The following HSP90AA1 variants were observed in gnomAD, a reference collection of about 807,000 sequenced individuals.
HSP90AA1 encodes heat shock protein HSP 90-alpha.
In HSP90AA1, 18 loss-of-function variants were observed where a neutral mutation model predicts 73.3. The ratio of observed to expected loss-of-function variants is 0.25; its 90% CI spans 0.17 to 0.36. The LOEUF (loss-of-function observed/expected upper bound fraction) is 0.36, where lower values mean the gene tolerates loss of function less well. HSP90AA1 is among the 10% of genes least tolerant of loss of function. The probability of loss-of-function intolerance (pLI) is 1.00; values close to 1 mark genes in which losing one functional copy is unlikely to be tolerated. For missense variants in HSP90AA1, 704 were observed against 874.2 expected (o/e 0.81, Z 2.45); for synonymous variants, 477 against 296.9 (o/e 1.61, Z -6.24).
chr14:102,085,434 G>C lies in HSP90AA1; in HGVS notation c.530-3C>G. 1 of 1,590,020 alleles carries C rather than the reference G, an allele frequency of 6.3e-7. No individual in the cohort carries two copies. Among genetic ancestry groups the C allele is most frequent in the Non-Finnish European group, 8.5e-7 (1 of 1,171,854 alleles). ...TGTTCCACGACCCATAGGTTCACCT[G>C]CAAGAGAAGAAAGAAAAATTGACTT... On this transcript the variant is annotated splice_polypyrimidine_tract_variant and splice_region_variant and intron_variant, in intron 3 of 10. Coordinates refer to ENST00000216281, the MANE Select transcript of HSP90AA1 (RefSeq NM_005348.4).
chr14:102,137,569 C>T (rs995050660), intron 1 of HSP90AA1, among the ~76,000 whole-genome samples: 16 of 152,022 alleles, frequency 1.1e-4, no homozygotes, highest in Admixed American at 7.9e-4. Context: ...GTGATCTGCC[C>T]GCCTCGGCCT....
In HSP90AA1 at chr14:102,084,001, C is replaced by A; in HGVS notation, c.1148-18G>T. 2.5e-6 allele frequency: 4 copies of A among 1,584,626 alleles called. No homozygotes were observed. Among genetic ancestry groups the A allele is most frequent in the Non-Finnish European group, 3.5e-6 (4 of 1,153,482 alleles). ...AATGAAGTCTGAAAAAAATATAAAC[C>A]AAATGCACTGAGTCATTCCAAGGAC... On this transcript the variant is annotated intron_variant, in intron 6 of 10. Transcript: ENST00000216281.
At chr14:102,106,341 G>T (rs1020500836) in intron 1 of HSP90AA1, among the ~76,000 whole-genome samples, 1 of 151,956 alleles carries the variant, frequency 6.6e-6, no homozygotes. Flanking sequence ...AAAGTATTTT[G>T]TTAGCTTTTG....
intron 1 of HSP90AA1, among the ~76,000 whole-genome samples, chr14:102,136,332 G>A (rs2049993337): frequency 6.6e-6 from 1 of 151,222 alleles, no homozygotes; most frequent in Non-Finnish European, 1.5e-5. Context: ...ATTTTGGGAG[G>A]GCAAGGTGGG....
Position 102,086,970 on chromosome 14 carries a change from C to T in HSP90AA1, c.-1+16G>A, listed in dbSNP as rs1216128552. 1 of 985,166 alleles carries T rather than the reference C, an allele frequency of 1.0e-6. No individual in the cohort carries two copies. The highest frequency in any genetic ancestry group is 1.7e-5 in the African/African-American group (1 of 57,290). 61.0% of individuals were successfully genotyped at this position (985,166 alleles called of 1,614,324 possible). On this transcript the variant is annotated intron_variant, in intron 1 of 10. Transcript: ENST00000216281. The stretch of plus-strand genomic sequence containing the variant: ...TCCCCAGTCCACCTCCACAGGCCCC[C>T]ACAACCACCCGTCACCTTGGCTAAG...
At chr14:102,087,947 T>TTTC (rs2049288450), upstream of HSP90AA1, among the ~76,000 whole-genome samples, 11 of 124,018 alleles carry the variant, frequency 8.9e-5, no homozygotes, top group African/African-American at 3.3e-4. Flanking sequence ...TTTTTTTTTT[T>TTTC]TTTCTTTTTT....
chr14:102,130,046 C>T (rs1041249056), intron 1 of HSP90AA1, among the ~76,000 whole-genome samples: 1 of 151,568 alleles, frequency 6.6e-6, no homozygotes, highest in Non-Finnish European at 1.5e-5. Flanking sequence ...TCTCGGCTCA[C>T]TGCAACCTCC....
chr14:102,128,757 T>C (rs563327571), intron 1 of HSP90AA1, among the ~76,000 whole-genome samples: 1 of 152,018 alleles, frequency 6.6e-6, no homozygotes, highest in South Asian at 2.1e-4. Context: ...GCTGAGATCA[T>C]GCCACTGCAT....
chr14:102,120,142 T>C (rs956099027), intron 1 of HSP90AA1, among the ~76,000 whole-genome samples: 2 of 152,086 alleles, frequency 1.3e-5, no homozygotes, highest in Non-Finnish European at 2.9e-5. Context: ...AGCAGGAGGG[T>C]TGCTTGAACC....
At position 102,084,925 on chromosome 14, in the gene HSP90AA1, T is replaced by C. The variant is rs55783428; in HGVS notation, c.737A>G (p.Glu246Gly). The change falls in exon 5 of 11, where the codon GAA becomes GGA. Residue 246 changes from glutamate to glycine, a missense_variant. Physicochemically the swap from Glu to Gly is moderately conservative, Grantham distance 98. Transcript: ENST00000216281. ...GTCTTCCGACTCTTTCTCTTCTTTT[T>C]CTTTTTCTTCTTCTTTGTCTTCCTT... is the stretch of plus-strand genomic sequence containing the variant. The part of the protein sequence containing the change: ...EEKEDKEEEK[E>G]KEEKESEDKP... The C allele has an allele frequency of 2.5e-4, 402 of 1,592,750 alleles. 1 individual carries two copies. In the East Asian group the frequency reaches 7.4e-3, roughly 29 times the overall value.
At chr14:102,084,182 T>TCA (rs908086893) in intron 6 of HSP90AA1, 199 bp from the exon 7 acceptor site, 17 of 680,420 alleles carry the variant, frequency 2.5e-5, no homozygotes, top group African/African-American at 1.8e-4. Flanking sequence ...CAAGCTGTTT[T>TCA]CATGCCTCAG....
chr14:102,091,182 G>A (rs1282759713), upstream of HSP90AA1, among the ~76,000 whole-genome samples: 1 of 152,120 alleles, frequency 6.6e-6, no homozygotes, highest in Non-Finnish European at 1.5e-5. Flanking sequence ...TAGTCCTCTC[G>A]ACTCTGAAGT....
chr14:102,091,776 G>A (rs1421921387), upstream of HSP90AA1, among the ~76,000 whole-genome samples: 2 of 152,082 alleles, frequency 1.3e-5, no homozygotes, highest in East Asian at 4.0e-4. Context: ...ACAGGCATGT[G>A]CCACCACACC....
At chr14:102,095,481 C>T (rs1425046968) in intron 2 of HSP90AA1, among the ~76,000 whole-genome samples, 1 of 152,190 alleles carries the variant, frequency 6.6e-6, no homozygotes, top group Non-Finnish European at 1.5e-5. Context: ...GCGTGAGCCC[C>T]TCTGAGTAAA....
intron 1 of HSP90AA1, among the ~76,000 whole-genome samples, chr14:102,122,048 T>A (rs1228129072): frequency 6.6e-6 from 1 of 152,190 alleles, no homozygotes; most frequent in South Asian, 2.1e-4. Context: ...AATATATTTA[T>A]TCAAGTCATT....
chr14:102,106,890 A>G (rs2049576288), intron 1 of HSP90AA1, among the ~76,000 whole-genome samples: 1 of 151,974 alleles, frequency 6.6e-6, no homozygotes, highest in South Asian at 2.1e-4. Flanking sequence ...AGATGAAGGG[A>G]AGTATAATCA....
chr14:102,123,911 C>A (rs747914212), intron 1 of HSP90AA1, among the ~76,000 whole-genome samples: 1 of 151,920 alleles, frequency 6.6e-6, no homozygotes. Context: ...GGCAATGATC[C>A]CACCTCAGCC....
intron 1 of HSP90AA1, among the ~76,000 whole-genome samples, chr14:102,125,292 C>A (rs1046818467): frequency 6.6e-6 from 1 of 152,220 alleles, no homozygotes; most frequent in Non-Finnish European, 1.5e-5. Context: ...CTGTGCCCAA[C>A]CTCATAATCT....
chr14:102,108,070 T>C (rs2049590927), intron 1 of HSP90AA1, among the ~76,000 whole-genome samples: 1 of 151,528 alleles, frequency 6.6e-6, no homozygotes, highest in African/African-American at 2.4e-5. Context: ...GAGACCAACC[T>C]GGGCAACATG....
Sources: allele counts gnomAD v4.1 joint callset (sites outside exome capture counted in the v4.1 genomes callset), GRCh38; gene constraint gnomAD v4.1.1; transcripts MANE v1.5; gene names NCBI Gene and HGNC (gene_info 2026-07-23, HGNC 2026-07-21).